The following ZNF76 variants were observed in gnomAD, a reference collection of about 807,000 sequenced individuals.
The protein encoded by ZNF76 is zinc finger protein 523.
ZNF76 carries 66 observed loss-of-function variants against 66.9 expected under a neutral mutation model. The ratio of observed to expected loss-of-function variants is 0.99; its 90% CI spans 0.81 to 1.21. ZNF76 has a LOEUF of 1.21. ZNF76 is among the 50% of genes most tolerant of loss of function. The pLI is 0.00. For missense variants in ZNF76, 729 were observed against 760.3 expected, an observed-to-expected ratio of 0.96 and a Z score of 0.48; for synonymous variants, 275 against 296.1, an observed-to-expected ratio of 0.93 and a Z score of 0.73.
intron 1 of ZNF76, among the ~76,000 whole-genome samples, chr6:35,276,082 T>G (rs755221208): frequency 1.1e-4 from 16 of 152,258 alleles, no homozygotes; most frequent in Admixed American, 2.0e-4. Flanking sequence ...TTGCCTCATC[T>G]GTAAAATGGG....
intron 2 of ZNF76, among the ~76,000 whole-genome samples, chr6:35,284,217 G>A (rs1017542987): frequency 1.3e-4 from 20 of 150,972 alleles, no homozygotes; most frequent in Middle Eastern, 3.4e-3. Flanking sequence ...TCAGCCTCCC[G>A]AGTAGCTGGG....
At chr6:35,273,841 GCGC>G (rs1252724000) in intron 1 of ZNF76, among the ~76,000 whole-genome samples, 4 of 133,470 alleles carry the variant, frequency 3.0e-5, no homozygotes, top group African/African-American at 1.3e-4. Context: ...CTTTTAAATG[GCGC>G]TTCTTCTTTT....
chr6:35,293,350 A>G (rs2150378974), intron 11 of ZNF76, among the ~76,000 whole-genome samples: 2 of 152,308 alleles, frequency 1.3e-5, no homozygotes, highest in South Asian at 4.1e-4. Flanking sequence ...AGGCATGTTC[A>G]TATAGCAGCC....
At chr6:35,277,275 G>A (rs1416897939) in intron 1 of ZNF76, among the ~76,000 whole-genome samples, 1 of 152,146 alleles carries the variant, frequency 6.6e-6, no homozygotes, top group East Asian at 1.9e-4. Context: ...AGGTTATCAG[G>A]GCTCTGGGCA....
intron 7 of ZNF76, chr6:35,290,944 C>T (rs1041400915): frequency 3.3e-6 from 2 of 601,756 alleles, no homozygotes; most frequent in Admixed American, 3.0e-5. Flanking sequence ...GACCCAGCCT[C>T]TTGTGTCAGC....
chr6:35,271,299 A>G (rs1419809666), intron 1 of ZNF76, among the ~76,000 whole-genome samples: 4 of 152,250 alleles, frequency 2.6e-5, no homozygotes, highest in African/African-American at 7.2e-5. Context: ...GATTTTGCCA[A>G]TATGTTCTCC....
At position 35,290,381 on chromosome 6, in the gene ZNF76, A is replaced by C. The variant is rs1378665262; in HGVS notation, c.548A>C (p.Lys183Thr). The change falls in exon 6 of 14, where the codon AAG becomes ACG. Residue 183 changes from lysine to threonine, a missense_variant and splice_region_variant. By Grantham distance (78) the Lys-to-Thr change is moderately conservative. Coordinates refer to ENST00000373953, the MANE Select transcript of ZNF76 (RefSeq NM_003427.5). The stretch of plus-strand genomic sequence containing the variant: ...CTCTACACCACCGCTCATCACTTAA[A>C]GGTAAGGTTGCTGGCAGACAGCCGT... ...GRLYTTAHHL[K>T]VHERAHTGDR... The C allele has an allele frequency of 1.2e-6, 2 of 1,613,750 alleles. No homozygotes were observed. Among genetic ancestry groups the C allele is most frequent in the East Asian group, 4.5e-5 (2 of 44,866 alleles).
chr6:35,293,269 G>A (rs1337215352), intron 11 of ZNF76, among the ~76,000 whole-genome samples: 1 of 152,232 alleles, frequency 6.6e-6, no homozygotes, highest in African/African-American at 2.4e-5. Context: ...ACAGTTAGTA[G>A]TTTCTCTCTT....
chr6:35,272,554 C>T (rs562753347), intron 1 of ZNF76, among the ~76,000 whole-genome samples: 20 of 151,878 alleles, frequency 1.3e-4, no homozygotes, highest in African/African-American at 4.8e-4. Flanking sequence ...AGTTGGACTT[C>T]TGGTAGTTAA....
chr6:35,276,388 C>G (rs1425204792), intron 1 of ZNF76, among the ~76,000 whole-genome samples: 1 of 152,168 alleles, frequency 6.6e-6, no homozygotes, highest in Non-Finnish European at 1.5e-5. Flanking sequence ...AAAGCATTTC[C>G]CTTTAGGTTC....
At chr6:35,288,833 G>T (rs569397841) in intron 5 of ZNF76, among the ~76,000 whole-genome samples, 2 of 151,786 alleles carry the variant, frequency 1.3e-5, no homozygotes, top group African/African-American at 4.8e-5. Flanking sequence ...ATGGTGGTGC[G>T]CACCTGTGGT....
intron 1 of ZNF76, among the ~76,000 whole-genome samples, chr6:35,264,617 C>G (rs888446542): frequency 2.0e-5 from 3 of 152,140 alleles, no homozygotes; most frequent in Non-Finnish European, 4.4e-5. Context: ...GCTAGGTGAA[C>G]AAGTGCAAAT....
chr6:35,279,998 A>ATTT (rs71002551), intron 1 of ZNF76, among the ~76,000 whole-genome samples: 5 of 146,442 alleles, frequency 3.4e-5, no homozygotes, highest in Admixed American at 6.8e-5. Flanking sequence ...CACCTGGCTA[A>ATTT]TTTTTTTTTT....
At chr6:35,293,640 A>C in intron 11 of ZNF76, 111 bp from the exon 12 acceptor site, 1 of 1,321,600 alleles carries the variant, frequency 7.6e-7, no homozygotes, top group Non-Finnish European at 1.0e-6. Context: ...CACCACTATG[A>C]CATGAAACTA....
chr6:35,292,156 G>C lies in ZNF76; in HGVS notation c.932-398G>C. 2.5e-6 allele frequency: 1 copy of C among 399,390 alleles called. No individual in the cohort carries two copies. The highest frequency in any genetic ancestry group is 4.7e-6 in the Non-Finnish European group (1 of 211,986). The allele number at this position is 399,390 out of a possible 1,614,324, so 24.7% of individuals were successfully genotyped here. A position where few individuals can be genotyped will look rare whatever the true frequency, so the allele number is the denominator to read the frequency against. On this transcript the variant is annotated intron_variant, in intron 9 of 13. Coordinates refer to ENST00000373953, the MANE Select transcript of ZNF76 (RefSeq NM_003427.5). This position sits in a 1 kb window ranked among gnomAD's most constrained non-coding sequence, Gnocchi z 4.7. Reference sequence around the variant, plus strand: ...TCCCCAGTGTTATGCCCCTCATCCAGCTTTCTGTGTTGTGTCTCAGCATGT... The same window carrying C: ...TCCCCAGTGTTATGCCCCTCATCCACCTTTCTGTGTTGTGTCTCAGCATGT...
chr6:35,278,225 A>G (rs1193503278), intron 1 of ZNF76, among the ~76,000 whole-genome samples: 2 of 151,640 alleles, frequency 1.3e-5, no homozygotes, highest in Non-Finnish European at 2.9e-5. Context: ...CTGGAGTGCA[A>G]TGACACGATC....
At chr6:35,268,666 G>A (rs1453755903) in intron 1 of ZNF76, among the ~76,000 whole-genome samples, 4 of 151,840 alleles carry the variant, frequency 2.6e-5, no homozygotes, top group African/African-American at 9.7e-5. Flanking sequence ...TGGGCATGGT[G>A]GCGTGCAGGA....
chr6:35,286,140 T>C lies in ZNF76; in HGVS notation c.86T>C (p.Leu29Pro). ...VQQAVKGEKL[L>P]EGQVIQLEDG... ...CCACTCTTAACAGGAGAGAAGCTTC[T>C]TGAAGGGCAGGTGATCCAGCTCGAG... The change falls in exon 3 of 14, where the codon CTT becomes CCT. Residue 29 changes from leucine (L) to proline (P), a missense_variant. Transcript: ENST00000373953. 6.2e-7 allele frequency: 1 copy of C among 1,614,160 alleles called. No homozygotes were observed. The highest frequency in any genetic ancestry group is 1.1e-5 in the South Asian group (1 of 91,076).
At chr6:35,271,691 A>T (rs116613985) in intron 1 of ZNF76, among the ~76,000 whole-genome samples, 1,749 of 151,496 alleles carry the variant, frequency 0.012, 31 homozygotes, top group African/African-American at 0.041. Context: ...AAAAGAAAAA[A>T]AAATATATAT....
Sources: allele counts gnomAD v4.1 joint callset (sites outside exome capture counted in the v4.1 genomes callset), GRCh38; gene constraint gnomAD v4.1.1; non-coding constraint Gnocchi (gnomAD v3.1); transcripts MANE v1.5; gene names NCBI Gene and HGNC (gene_info 2026-07-23, HGNC 2026-07-21).